NDUFA12: variants seen among roughly 807,000 people sequenced by gnomAD.
The protein encoded by NDUFA12 is NADH:ubiquinone oxidoreductase subunit A12.
A neutral mutation model predicts 20.3 loss-of-function variants in NDUFA12; 17 were observed. The observed-to-expected ratio is 0.84, with a 90% CI of 0.57 to 1.26. NDUFA12 has a LOEUF of 1.26. Among genes scored for constraint, NDUFA12 ranks in the 50% most tolerant of loss-of-function variants. The pLI, the probability that NDUFA12 is intolerant of heterozygous loss-of-function variation, is 0.00. For missense variants in NDUFA12, 191 were observed against 183.7 expected (o/e 1.04, Z -0.23); for synonymous variants, 72 against 63.6 (o/e 1.13, Z -0.63).
At chr12:94,974,453 A>G (rs1472764125) in intron 3 of NDUFA12, among the ~76,000 whole-genome samples, 2 of 152,232 alleles carry the variant, frequency 1.3e-5, no homozygotes, top group African/African-American at 2.4e-5. Flanking sequence ...TCAAAAAACT[A>G]AAAATTGAGC....
At chr12:94,991,891 T>C (rs973375393) in intron 3 of NDUFA12, among the ~76,000 whole-genome samples, 1 of 152,168 alleles carries the variant, frequency 6.6e-6, no homozygotes, top group African/African-American at 2.4e-5. Context: ...ACTTTTCAGT[T>C]CACTGCAGTC....
intron 3 of NDUFA12, among the ~76,000 whole-genome samples, chr12:94,993,766 C>T (rs4923660): frequency 0.48 from 71,894 of 149,974 alleles, 17,810 homozygotes; most frequent in African/African-American, 0.61. Context: ...GAAAACCTGT[C>T]TGTACTAAAA....
At chr12:94,987,519 G>A (rs55990903) in intron 3 of NDUFA12, among the ~76,000 whole-genome samples, 12,195 of 152,050 alleles carry the variant, frequency 0.08, 562 homozygotes, top group East Asian at 0.16. Context: ...CAGCAGGCAC[G>A]GCTGGGTGTG....
At chr12:94,985,569 G>A (rs1318622297) in intron 3 of NDUFA12, among the ~76,000 whole-genome samples, 1 of 144,964 alleles carries the variant, frequency 6.9e-6, no homozygotes, top group Admixed American at 7.0e-5. Flanking sequence ...GGAGCTTGCA[G>A]TGAGCTGAGA....
In NDUFA12 at chr12:95,001,714, T is replaced by C. The variant is rs145616694; in HGVS notation, c.169+1025A>G. On this transcript the variant is annotated intron_variant, in intron 2 of 3. Coordinates refer to ENST00000327772, the MANE Select transcript of NDUFA12 (RefSeq NM_018838.5). ...TTTGCAAGAATATTTGTAGAATTAA[T>C]TCTTTTTTGAGATAAGAGTCTCGCT... Among the ~76,000 whole-genome samples the C allele has an allele frequency of 1.3e-3, 198 of 152,330 alleles. 3 individuals are homozygous for C. Among genetic ancestry groups the C allele is most frequent in the African/African-American group, 3.8e-3 (158 of 41,584 alleles).
At chr12:95,000,043 C>T (rs116771653) in intron 2 of NDUFA12, among the ~76,000 whole-genome samples, 1 of 152,154 alleles carries the variant, frequency 6.6e-6, no homozygotes, top group Non-Finnish European at 1.5e-5. Flanking sequence ...TATAGCAGCA[C>T]AATTTGTAAT....
At chr12:94,977,722 T>C (rs946168089) in intron 3 of NDUFA12, among the ~76,000 whole-genome samples, 2 of 152,192 alleles carry the variant, frequency 1.3e-5, no homozygotes, top group East Asian at 1.9e-4. Flanking sequence ...TATATGTACA[T>C]CCATTCATTC....
chr12:95,002,925 C>T (rs1875111167), intron 1 of NDUFA12, 104 bp from the exon 2 acceptor site: 4 of 916,492 alleles, frequency 4.4e-6, no homozygotes, highest in Non-Finnish European at 7.3e-6. Flanking sequence ...AGGGCTGCTG[C>T]ATCAACTAGC....
intron 3 of NDUFA12, among the ~76,000 whole-genome samples, chr12:94,978,990 T>C (rs1382902447): frequency 6.6e-6 from 1 of 152,212 alleles, no homozygotes; most frequent in Non-Finnish European, 1.5e-5. Flanking sequence ...ATACATTATA[T>C]GAGAAATGTG....
In NDUFA12 at chr12:95,001,232, G is replaced by A. The variant is rs1187810685; in HGVS notation, c.169+1507C>T. ...GAGGCAGGAGGAAGGCTAGAACCCA[G>A]GAGGTCACGGCTGCAGGGAGTCAAG... On this transcript the variant is annotated intron_variant, in intron 2 of 3. Coordinates refer to ENST00000327772, the MANE Select transcript of NDUFA12 (RefSeq NM_018838.5). Among the ~76,000 whole-genome samples the A allele has an allele frequency of 6.1e-4, 93 of 152,168 alleles. 3 individuals are homozygous for A. The highest frequency in any genetic ancestry group is 6.1e-3 in the Admixed American group (93 of 15,272).
chr12:94,999,281 A>G (rs1031176578), intron 2 of NDUFA12, among the ~76,000 whole-genome samples: 3 of 152,234 alleles, frequency 2.0e-5, no homozygotes, highest in African/African-American at 7.2e-5. Flanking sequence ...AGCAAGCCAC[A>G]TGTAGAAGAA....
chr12:94,989,340 T>C (rs1001925988), intron 3 of NDUFA12, among the ~76,000 whole-genome samples: 3 of 151,980 alleles, frequency 2.0e-5, no homozygotes, highest in African/African-American at 4.9e-5. Flanking sequence ...AGGTACTAAA[T>C]AGTTATTTGA....
chr12:94,980,462 A>C (rs1220193694), intron 3 of NDUFA12, among the ~76,000 whole-genome samples: 6 of 152,144 alleles, frequency 3.9e-5, no homozygotes, highest in Non-Finnish European at 7.3e-5. Context: ...CATCACGCCA[A>C]ATGAAAAACA....
chr12:94,973,596 G>A (rs1873960989), intron 3 of NDUFA12, among the ~76,000 whole-genome samples: 4 of 152,114 alleles, frequency 2.6e-5, no homozygotes, highest in South Asian at 4.1e-4. Flanking sequence ...TCAAGACTCC[G>A]GAAGGTTAAA....
intron 3 of NDUFA12, among the ~76,000 whole-genome samples, chr12:94,983,120 C>T (rs944560187): frequency 6.6e-6 from 1 of 152,142 alleles, no homozygotes; most frequent in Admixed American, 6.5e-5. Context: ...ATCTCAGTAA[C>T]TGTACCTCTA....
In NDUFA12 at chr12:95,003,669, C is replaced by T. The variant is rs1875153798; in HGVS notation, c.12G>A (p.Val4=). MEL[V]QVLKRGLQQI... ...GCTGCAGCCCGCGTTTCAGGACCTG[C>T]ACTAACTCCATCTTGCCTCGCTGGC... is the stretch of plus-strand genomic sequence containing the variant. Residue 4 remains valine (V), a synonymous_variant, in exon 1 of 4, where the codon GTG becomes GTA. Coordinates refer to ENST00000327772, the MANE Select transcript of NDUFA12 (RefSeq NM_018838.5). The T allele has an allele frequency of 3.1e-6, 5 of 1,614,068 alleles. No individual in the cohort carries two copies. In the African/African-American group the frequency reaches 5.3e-5, roughly 17 times the overall value.
intron 3 of NDUFA12, among the ~76,000 whole-genome samples, chr12:94,976,459 T>C (rs896898447): frequency 2.0e-5 from 3 of 152,216 alleles, no homozygotes; most frequent in South Asian, 2.1e-4. Context: ...TATGCAAATG[T>C]AGCATTTGCA....
At chr12:94,977,864 C>T (rs1024302250) in intron 3 of NDUFA12, among the ~76,000 whole-genome samples, 1 of 151,964 alleles carries the variant, frequency 6.6e-6, no homozygotes. Context: ...AAGGAAAAAA[C>T]CAGAGCAGGG....
At chr12:94,977,169 A>T (rs918062344) in intron 3 of NDUFA12, among the ~76,000 whole-genome samples, 1 of 152,244 alleles carries the variant, frequency 6.6e-6, no homozygotes, top group Admixed American at 6.5e-5. Context: ...TGCCATTGAC[A>T]GCTAGCAATT....
Sources: gnomAD v4.1 joint callset for allele counts (sites outside exome capture counted in the v4.1 genomes callset) on GRCh38, gnomAD v4.1.1 for gene constraint, MANE v1.5 for transcripts, NCBI Gene and HGNC (gene_info 2026-07-23, HGNC 2026-07-21) for gene names.